Variants in PTPRT observed in about 807,000 individuals in gnomAD.
PTPRT encodes the protein protein tyrosine phosphatase receptor type T.
PTPRT carries 56 observed loss-of-function variants against 176.8 expected under a neutral mutation model. The observed-to-expected ratio is 0.32, with a 90% CI of 0.26 to 0.40. PTPRT has a LOEUF of 0.40. PTPRT is among the 10% of genes least tolerant of loss of function. The pLI, the probability that PTPRT is intolerant of heterozygous loss-of-function variation, is 1.00. For missense variants in PTPRT, 1,540 were observed against 1,908.2 expected (o/e 0.81, Z 3.60); for synonymous variants, 783 against 739.0 (o/e 1.06, Z -0.96).
At chr20:42,226,061 T>C (rs1417519612) in intron 15 of PTPRT, among the ~76,000 whole-genome samples, 1 of 152,236 alleles carries the variant, frequency 6.6e-6, no homozygotes, top group Admixed American at 6.5e-5. Flanking sequence ...AGTGACTTCC[T>C]TGCCTTTGTT....
At chr20:42,306,417 G>T (rs1226893847) in intron 12 of PTPRT, among the ~76,000 whole-genome samples, 1 of 152,180 alleles carries the variant, frequency 6.6e-6, no homozygotes, top group Non-Finnish European at 1.5e-5. Flanking sequence ...GCAGATAAAT[G>T]GGGCATGGAA....
rs111229158 is a variant in PTPRT, at chr20:42,677,848, G to GGA, written c.1153+17_1153+18insTC. 270 of 1,484,698 alleles carry GGA rather than the reference G, an allele frequency of 1.8e-4. No homozygotes were observed. Among genetic ancestry groups the GGA allele is most frequent in the South Asian group, 3.3e-4 (26 of 79,904 alleles). The allele number at this position is 1,484,698 out of a possible 1,614,324, so 92.0% of individuals were successfully genotyped here. On this transcript the variant is annotated intron_variant, in intron 7 of 30. Coordinates refer to ENST00000373187, the MANE Select transcript of PTPRT (RefSeq NM_007050.6). The stretch of plus-strand genomic sequence containing the variant: ...CACAGCCTCTCATAATGGAGCCTGG[G>GGA]AAAAAAAAAAATCTTACCTGCACAC...
rs144658808 is a variant in PTPRT at position 42,257,859 on chromosome 20, T to C, written c.2177-9037A>G. 2.0e-4 allele frequency among the ~76,000 whole-genome samples: 30 copies of C among 152,010 alleles called. No homozygotes were observed. The East Asian group carries it at 5.8e-3, about 29-fold the overall frequency. On this transcript the variant is annotated intron_variant, in intron 13 of 30. Transcript: ENST00000373187. ...CTGGGTATTTATAGCAATGTGGGAA[T>C]GAACTAATACACCTATGAAGCAGGT...
At chr20:42,637,641 A>C (rs1282789045) in intron 7 of PTPRT, among the ~76,000 whole-genome samples, 1 of 151,852 alleles carries the variant, frequency 6.6e-6, no homozygotes, top group African/African-American at 2.4e-5. Flanking sequence ...TTTTCATATC[A>C]TTTTCACCTG....
intron 16 of PTPRT, among the ~76,000 whole-genome samples, chr20:42,183,015 ATACT>A (rs1213581690): frequency 6.6e-6 from 1 of 151,918 alleles, no homozygotes; most frequent in African/African-American, 2.4e-5. Flanking sequence ...GGCAGAAACA[ATACT>A]TACTTAAAGC....
At chr20:43,067,777 C>T (rs888271927) in intron 1 of PTPRT, among the ~76,000 whole-genome samples, 9 of 150,904 alleles carry the variant, frequency 6.0e-5, no homozygotes, top group African/African-American at 2.2e-4. Flanking sequence ...GCCTGGGCAA[C>T]AGAGGGAAAC....
At chr20:42,629,717 T>A (rs1452450129) in intron 7 of PTPRT, among the ~76,000 whole-genome samples, 1 of 152,120 alleles carries the variant, frequency 6.6e-6, no homozygotes, top group Non-Finnish European at 1.5e-5. Context: ...AGCAATGACT[T>A]AAAGCAGACA....
At chr20:42,533,119 T>C (rs2072415004) in intron 7 of PTPRT, among the ~76,000 whole-genome samples, 2 of 152,214 alleles carry the variant, frequency 1.3e-5, no homozygotes, top group African/African-American at 4.8e-5. Context: ...GCTGCATTAC[T>C]AAAGCGGGAC....
At chr20:42,139,746 T>C (rs1267834729) in intron 18 of PTPRT, among the ~76,000 whole-genome samples, 13 of 152,236 alleles carry the variant, frequency 8.5e-5, no homozygotes, top group Admixed American at 1.3e-4. Context: ...TAAGTGACTA[T>C]ATATTTTAGG....
At chr20:43,164,763 T>A (rs568969199) in intron 1 of PTPRT, among the ~76,000 whole-genome samples, 1 of 152,248 alleles carries the variant, frequency 6.6e-6, no homozygotes, top group African/African-American at 2.4e-5. Context: ...TGCTCCAATA[T>A]AACATTTTTA....
At chr20:42,634,022 AATATAT>A (rs1408398599) in intron 7 of PTPRT, among the ~76,000 whole-genome samples, 1,622 of 29,410 alleles carry the variant, frequency 0.055, 325 homozygotes, top group African/African-American at 0.21. Context: ...ATATATATAT[AATATAT>A]ATATTATATA....
At chr20:42,960,438 C>T (rs557523432) in intron 1 of PTPRT, among the ~76,000 whole-genome samples, 12 of 152,226 alleles carry the variant, frequency 7.9e-5, no homozygotes, top group African/African-American at 1.4e-4. Context: ...TTCATGAAGA[C>T]GGAGCCCTCA....
intron 18 of PTPRT, among the ~76,000 whole-genome samples, chr20:42,134,743 C>T (rs1988292779): frequency 6.6e-6 from 1 of 152,170 alleles, no homozygotes; most frequent in South Asian, 2.1e-4. Flanking sequence ...ACCAACATAG[C>T]ATCAACCACC....
At chr20:42,041,082 G>A in the PTPRT span, among the ~76,000 whole-genome samples, 4 of 152,170 alleles carry the variant, frequency 2.6e-5, no homozygotes, top group Non-Finnish European at 5.9e-5. Context: ...CTGAACCTTA[G>A]TTCTGTTCGC....
In PTPRT at chr20:42,780,342, C is replaced by T. The variant is rs200951593; in HGVS notation, c.487-43G>A. ...GGAGTCAATTTCACAGAAACAGTTGCAGGCATTCATCACAAGAAGCTGCCC... is the reference window on the plus strand; with the variant it reads ...GGAGTCAATTTCACAGAAACAGTTGTAGGCATTCATCACAAGAAGCTGCCC... On this transcript the variant is annotated intron_variant, in intron 3 of 30. Transcript: ENST00000373187. 6.6e-6 allele frequency: 10 copies of T among 1,504,064 alleles called. No homozygotes were observed. The Admixed American group carries it at 6.7e-5, about 10-fold the overall frequency. The allele number at this position is 1,504,064 out of a possible 1,614,324, so 93.2% of individuals were successfully genotyped here.
In PTPRT at chr20:42,779,125, G is replaced by A. The variant is rs75299823; in HGVS notation, c.568+1093C>T. Among the ~76,000 whole-genome samples the A allele has an allele frequency of 1.4e-4, 21 of 152,342 alleles. No homozygotes were observed. In the East Asian group the frequency reaches 3.9e-3, roughly 28 times the overall value. On this transcript the variant is annotated intron_variant, in intron 4 of 30. Transcript: ENST00000373187. ...GTCAGACAACGGCATTCTAGTGCCA[G>A]GCAGAGGGAGGGAAGTTACATTTGA...
intron 7 of PTPRT, among the ~76,000 whole-genome samples, chr20:42,659,830 T>G (rs939910662): frequency 6.6e-6 from 1 of 152,150 alleles, no homozygotes; most frequent in Admixed American, 6.5e-5. Context: ...TAATCAGAGC[T>G]CTTGCCTCCT....
chr20:43,019,513 G>A (rs1242031398), intron 1 of PTPRT, among the ~76,000 whole-genome samples: 1 of 151,722 alleles, frequency 6.6e-6, no homozygotes, highest in East Asian at 1.9e-4. Context: ...CAGCTACTTG[G>A]GAGGCTGAGG....
intron 1 of PTPRT, among the ~76,000 whole-genome samples, chr20:43,163,214 C>T (rs778341399): frequency 3.9e-5 from 6 of 152,212 alleles, no homozygotes; most frequent in Non-Finnish European, 7.3e-5. Context: ...ATGAAATGCA[C>T]AGAGTGCTCA....
Sources: gnomAD v4.1 joint callset for allele counts (sites outside exome capture counted in the v4.1 genomes callset) on GRCh38, gnomAD v4.1.1 for gene constraint, MANE v1.5 for transcripts, NCBI Gene and HGNC (gene_info 2026-07-23, HGNC 2026-07-21) for gene names.